BMP6: variants seen among roughly 807,000 people sequenced by gnomAD.
BMP6 encodes bone morphogenetic protein 6, also known as VG-1-R.
Under a neutral mutation model 54.1 loss-of-function variants are expected in BMP6, and 17 were observed. The observed-to-expected ratio is 0.31, with a 90% CI of 0.22 to 0.47. BMP6 has a LOEUF of 0.47. Ranked by LOEUF, BMP6 falls within the 20% of genes least tolerant of loss-of-function variation. The pLI is 1.00. For missense variants in BMP6, 720 were observed against 690.4 expected (o/e 1.04, Z -0.48); for synonymous variants, 328 against 291.2 (o/e 1.13, Z -1.28).
intron 4 of BMP6, among the ~76,000 whole-genome samples, chr6:7,870,551 A>G (rs147667072): frequency 2.6e-4 from 40 of 152,228 alleles, no homozygotes; most frequent in Admixed American, 5.2e-4. Context: ...CTTTTCCACT[A>G]CAGATCATGG....
In BMP6 at chr6:7,827,540, C is replaced by T. The variant is rs191377392; in HGVS notation, c.665-17600C>T. Reference sequence around the variant, plus strand: ...TATACTTGGATAAGAATTTCCTTCTCCAGCCCAGTATTTCCTAAACTCAAT... The same window carrying T: ...TATACTTGGATAAGAATTTCCTTCTTCAGCCCAGTATTTCCTAAACTCAAT... On this transcript the variant is annotated intron_variant, in intron 1 of 6. Coordinates refer to ENST00000283147, the MANE Select transcript of BMP6 (RefSeq NM_001718.6). Among the ~76,000 whole-genome samples, 598 of 152,302 alleles carry T rather than the reference C, an allele frequency of 3.9e-3. 10 individuals are homozygous for T. The highest frequency in any genetic ancestry group is 0.023 in the South Asian group (111 of 4,828).
At chr6:7,811,043 C>T (rs371849434) in intron 1 of BMP6, among the ~76,000 whole-genome samples, 2 of 152,222 alleles carry the variant, frequency 1.3e-5, no homozygotes, top group East Asian at 3.8e-4. Flanking sequence ...GGGCCCCCAC[C>T]ATGGCCTGAT....
intron 1 of BMP6, among the ~76,000 whole-genome samples, chr6:7,805,203 G>A (rs1002843100): frequency 2.0e-5 from 3 of 152,104 alleles, no homozygotes; most frequent in Non-Finnish European, 4.4e-5. Context: ...GGTCTTTTCC[G>A]TGTAAAAGAG....
chr6:7,876,772 A>G (rs191073670), intron 4 of BMP6, among the ~76,000 whole-genome samples: 2 of 152,188 alleles, frequency 1.3e-5, no homozygotes, highest in Admixed American at 1.3e-4. Context: ...ATAAAGTTCT[A>G]TTTGACTCTT....
chr6:7,840,182 A>G (rs1229693532), intron 1 of BMP6, among the ~76,000 whole-genome samples: 1 of 152,198 alleles, frequency 6.6e-6, no homozygotes, highest in Non-Finnish European at 1.5e-5. Flanking sequence ...CAACTTCATC[A>G]TGTCTCTAAA....
At chr6:7,748,047 T>C (rs995914954) in intron 1 of BMP6, among the ~76,000 whole-genome samples, 82 of 152,230 alleles carry the variant, frequency 5.4e-4, no homozygotes, top group African/African-American at 1.7e-3. Flanking sequence ...GTGTTATTTA[T>C]ACAGGGCTTT....
At chr6:7,789,093 C>A (rs181676071) in intron 1 of BMP6, among the ~76,000 whole-genome samples, 20 of 152,262 alleles carry the variant, frequency 1.3e-4, no homozygotes, top group South Asian at 8.3e-4. Flanking sequence ...GTAACATATC[C>A]ATCACCTCGG....
chr6:7,733,244 A>C (rs1369746986), intron 1 of BMP6, among the ~76,000 whole-genome samples: 2 of 152,200 alleles, frequency 1.3e-5, no homozygotes, highest in Non-Finnish European at 2.9e-5. Flanking sequence ...ACGTCGTTAC[A>C]GTTTTAATTT....
intron 4 of BMP6, among the ~76,000 whole-genome samples, chr6:7,870,088 T>C (rs1759498242): frequency 6.6e-6 from 1 of 152,094 alleles, no homozygotes; most frequent in Admixed American, 6.5e-5. Flanking sequence ...TCCAGAAAAA[T>C]GCACCTCCAT....
At chr6:7,844,960 G>T (rs906098662) in intron 1 of BMP6, among the ~76,000 whole-genome samples, 180 bp from the exon 2 acceptor site, 1 of 152,146 alleles carries the variant, frequency 6.6e-6, no homozygotes, top group African/African-American at 2.4e-5. Flanking sequence ...TGGGTAACAT[G>T]AAGGATTTTC....
rs1035801002 is a variant in BMP6 at position 7,757,904 on chromosome 6, C to T, written c.664+30285C>T. Among the ~76,000 whole-genome samples, 5 of 152,178 alleles carry T rather than the reference C, an allele frequency of 3.3e-5. No homozygotes were observed. The East Asian group carries it at 7.7e-4, about 24-fold the overall frequency. ...ATCTTGTGTGCCACTGAATGCCCTT[C>T]GTAGCTTCAGTCATAACTGTTCATC... is the stretch of plus-strand genomic sequence containing the variant. On this transcript the variant is annotated intron_variant, in intron 1 of 6. Transcript: ENST00000283147.
intron 1 of BMP6, among the ~76,000 whole-genome samples, chr6:7,794,969 C>T (rs530691789): frequency 6.6e-6 from 1 of 152,266 alleles, no homozygotes; most frequent in Admixed American, 6.5e-5. Context: ...TTTTCCAAGA[C>T]CTCAGGATTC....
chr6:7,745,328 C>G (rs1169609572), intron 1 of BMP6, among the ~76,000 whole-genome samples: 1 of 152,184 alleles, frequency 6.6e-6, no homozygotes. Flanking sequence ...GGCTGGAGTG[C>G]AGTGGTGCAA....
intron 1 of BMP6, among the ~76,000 whole-genome samples, chr6:7,762,816 C>G (rs1757632352): frequency 6.6e-6 from 1 of 152,220 alleles, no homozygotes; most frequent in Non-Finnish European, 1.5e-5. Flanking sequence ...CGCAGTTCTT[C>G]TCCAGGGGAT....
At chr6:7,731,312 T>G (rs1276028984) in intron 1 of BMP6, among the ~76,000 whole-genome samples, 1 of 152,144 alleles carries the variant, frequency 6.6e-6, no homozygotes, top group East Asian at 1.9e-4. Flanking sequence ...CTTGGAGAGG[T>G]ATCCTTCAGG....
At chr6:7,784,194 G>C (rs533103628) in intron 1 of BMP6, among the ~76,000 whole-genome samples, 19 of 152,196 alleles carry the variant, frequency 1.2e-4, no homozygotes, top group African/African-American at 4.3e-4. Flanking sequence ...ACCAAAAATA[G>C]TCTTTCCTTC....
At chr6:7,810,695 T>G (rs1448366716) in intron 1 of BMP6, among the ~76,000 whole-genome samples, 2 of 152,246 alleles carry the variant, frequency 1.3e-5, no homozygotes, top group African/African-American at 4.8e-5. Flanking sequence ...TCACTATACT[T>G]AATAATTGCA....
Position 7,865,834 on chromosome 6 carries a change from A to C in BMP6, c.1204+3336A>C, listed in dbSNP as rs148579100. Among the ~76,000 whole-genome samples, 723 of 152,336 alleles carry C rather than the reference A, an allele frequency of 4.7e-3. 2 individuals carry two copies. The highest frequency in any genetic ancestry group is 6.3e-3 in the Non-Finnish European group (429 of 68,026). The stretch of plus-strand genomic sequence containing the variant: ...GGAGTTGATAGTTCTCCACCAAAAC[A>C]ACCACCACCAGAAGCAGCCCACCAG... On this transcript the variant is annotated intron_variant, in intron 4 of 6. Coordinates refer to ENST00000283147, the MANE Select transcript of BMP6 (RefSeq NM_001718.6).
chr6:7,768,876 A>G (rs1757735406), intron 1 of BMP6, among the ~76,000 whole-genome samples: 1 of 152,150 alleles, frequency 6.6e-6, no homozygotes, highest in Non-Finnish European at 1.5e-5. Flanking sequence ...ATGATCTGTC[A>G]TATATTATAG....
Sources: allele counts gnomAD v4.1 joint callset (sites outside exome capture counted in the v4.1 genomes callset), GRCh38; gene constraint gnomAD v4.1.1; transcripts MANE v1.5; gene names NCBI Gene and HGNC (gene_info 2026-07-23, HGNC 2026-07-21).